The following CADPS variants were observed in gnomAD, a reference collection of about 807,000 sequenced individuals.
CADPS encodes calcium dependent secretion activator.
CADPS carries 57 observed loss-of-function variants against 167.3 expected under a neutral mutation model. That is an observed-to-expected ratio of 0.34 (90% CI 0.28 to 0.42). The LOEUF (loss-of-function observed/expected upper bound fraction) is 0.42. Among genes scored for constraint, CADPS ranks in the 20% least tolerant of loss-of-function variants. The pLI, the probability that CADPS is intolerant of heterozygous loss-of-function variation, is 1.00. For synonymous variants in CADPS, 676 were observed against 635.3 expected (o/e 1.06, Z -0.96); for missense variants, 1,414 against 1,738.1 (o/e 0.81, Z 3.32).
At position 62,605,254 on chromosome 3, in the gene CADPS, A is replaced by AC. The variant is rs1491280603; in HGVS notation, c.1326-12507_1326-12506insG. 8.3e-4 allele frequency among the ~76,000 whole-genome samples: 41 copies of AC among 49,128 alleles called. 1 individual carries two copies. The East Asian group carries it at 0.01, about 12-fold the overall frequency. 32.2% of individuals were successfully genotyped at this position (49,128 alleles called of 152,430 possible). A position where few individuals can be genotyped will look rare whatever the true frequency, so the allele number is the denominator to read the frequency against. On this transcript the variant is annotated intron_variant, in intron 6 of 29. Transcript: ENST00000383710. ...GGAGCCAAATGAGGGGAAAAACAAA[A>AC]AAAAAAAAACTGGGAGAGACAGAAC...
chr3:62,823,241 C>G (rs572538458), intron 1 of CADPS, among the ~76,000 whole-genome samples: 20 of 152,264 alleles, frequency 1.3e-4, no homozygotes, highest in Admixed American at 3.3e-4. Context: ...GATTAAAAAC[C>G]TATACTAGGC....
intron 3 of CADPS, among the ~76,000 whole-genome samples, chr3:62,693,040 A>AG (rs2079501372): frequency 1.3e-5 from 2 of 151,150 alleles, no homozygotes; most frequent in Admixed American, 6.6e-5. Context: ...TTTCTTGGCC[A>AG]TCAAGTTTTT....
chr3:62,574,013 T>C (rs2081810438), intron 8 of CADPS, among the ~76,000 whole-genome samples: 1 of 152,234 alleles, frequency 6.6e-6, no homozygotes, highest in Non-Finnish European at 1.5e-5. Flanking sequence ...GATGAGATTT[T>C]AAAACACTGC....
intron 8 of CADPS, among the ~76,000 whole-genome samples, chr3:62,572,080 C>G (rs891694375): frequency 2.6e-5 from 4 of 152,162 alleles, no homozygotes; most frequent in African/African-American, 9.7e-5. Context: ...TGGAAAACTT[C>G]CAAATCCTCA....
At chr3:62,650,723 C>T in intron 5 of CADPS, 124 bp downstream of exon 5, 1 of 665,314 alleles carries the variant, frequency 1.5e-6, no homozygotes, top group East Asian at 2.7e-5. Context: ...CTAAGCTTAG[C>T]ATGCTGTTAT....
At chr3:62,616,934 T>TA (rs2062415465) in intron 6 of CADPS, among the ~76,000 whole-genome samples, 1 of 152,196 alleles carries the variant, frequency 6.6e-6, no homozygotes, top group Non-Finnish European at 1.5e-5. Flanking sequence ...TTTAGCCCTG[T>TA]AAAAAATATC....
At chr3:62,829,288 A>G (rs139486665) in intron 1 of CADPS, among the ~76,000 whole-genome samples, 207 of 152,334 alleles carry the variant, frequency 1.4e-3, no homozygotes, top group African/African-American at 4.8e-3. Flanking sequence ...ATAGAGTGTA[A>G]CAACTATTTA....
intron 7 of CADPS, among the ~76,000 whole-genome samples, chr3:62,586,784 A>G (rs1222093593): frequency 2.6e-5 from 4 of 152,196 alleles, no homozygotes; most frequent in African/African-American, 4.8e-5. Flanking sequence ...GTATACTAAC[A>G]TTTTATATTA....
chr3:62,808,618 TTCC>T (rs1394533546), intron 1 of CADPS, among the ~76,000 whole-genome samples: 1 of 152,088 alleles, frequency 6.6e-6, no homozygotes, highest in African/African-American at 2.4e-5. Context: ...CCATGGTTTA[TTCC>T]TCCTCCTCTG....
intron 2 of CADPS, among the ~76,000 whole-genome samples, chr3:62,757,583 G>T (rs2084293667): frequency 6.6e-6 from 1 of 152,224 alleles, no homozygotes; most frequent in African/African-American, 2.4e-5. Flanking sequence ...ACGGTATATT[G>T]GTCTCTTAAA....
chr3:62,570,225 G>C (rs1172349805), intron 9 of CADPS, among the ~76,000 whole-genome samples: 1 of 125,040 alleles, frequency 8.0e-6, no homozygotes, highest in Non-Finnish European at 1.7e-5. Context: ...TGAAGAATTT[G>C]GTTTGTTTCA....
chr3:62,696,527 T>A (rs957807802), intron 3 of CADPS, among the ~76,000 whole-genome samples: 3 of 152,092 alleles, frequency 2.0e-5, no homozygotes, highest in Non-Finnish European at 4.4e-5. Flanking sequence ...GGCTGGTTTT[T>A]CTTTGTGTGC....
intron 1 of CADPS, among the ~76,000 whole-genome samples, chr3:62,852,893 CTCAGA>C (rs1246338172): frequency 6.6e-6 from 1 of 152,144 alleles, no homozygotes; most frequent in African/African-American, 2.4e-5. Context: ...CATAAAATAA[CTCAGA>C]TCAGAGATAT....
chr3:62,742,402 C>T (rs968367202), intron 3 of CADPS, among the ~76,000 whole-genome samples: 1 of 152,136 alleles, frequency 6.6e-6, no homozygotes, highest in Non-Finnish European at 1.5e-5. Context: ...GTAACCAAAA[C>T]AGCATTGTAC....
chr3:62,499,343 A>G, intron 17 of CADPS, 75 bp from the exon 18 acceptor site: 5 of 872,110 alleles, frequency 5.7e-6, no homozygotes, highest in Non-Finnish European at 7.7e-6. Flanking sequence ...ACTAGTGGAT[A>G]AGAAATTGAG....
intron 1 of CADPS, among the ~76,000 whole-genome samples, chr3:62,839,892 T>A (rs1043534532): frequency 6.6e-6 from 1 of 152,108 alleles, no homozygotes; most frequent in Non-Finnish European, 1.5e-5. Flanking sequence ...CAAATAGAAT[T>A]GCTGAGATCT....
chr3:62,776,929 C>T (rs144269932), intron 1 of CADPS, among the ~76,000 whole-genome samples: 3,469 of 152,148 alleles, frequency 0.023, 62 homozygotes, highest in South Asian at 0.061. Context: ...AACTGTGGGA[C>T]CTTCTTGGAG....
At chr3:62,486,502 T>TA (rs911995190) in intron 21 of CADPS, among the ~76,000 whole-genome samples, 1 of 151,620 alleles carries the variant, frequency 6.6e-6, no homozygotes, top group South Asian at 2.1e-4. Context: ...AAAGTGACAT[T>TA]AAAAAATACT....
chr3:62,515,622 C>A (rs955423981), intron 16 of CADPS, among the ~76,000 whole-genome samples: 8 of 152,022 alleles, frequency 5.3e-5, no homozygotes, highest in African/African-American at 1.2e-4. Flanking sequence ...CAAGAAAGAG[C>A]AAAACCTTGA....
Sources: gnomAD v4.1 joint callset for allele counts (sites outside exome capture counted in the v4.1 genomes callset) on GRCh38, gnomAD v4.1.1 for gene constraint, MANE v1.5 for transcripts, NCBI Gene and HGNC (gene_info 2026-07-23, HGNC 2026-07-21) for gene names.